Variants in CALCR observed in about 807,000 individuals in gnomAD.
The protein encoded by CALCR is calcitonin receptor.
In CALCR, 47 loss-of-function variants were observed where a neutral mutation model predicts 59.5. The ratio of observed to expected loss-of-function variants is 0.79; its 90% CI spans 0.63 to 1.01. The LOEUF (loss-of-function observed/expected upper bound fraction) is 1.01, where lower values mean the gene tolerates loss of function less well. Among genes scored for constraint, CALCR ranks in the 50% least tolerant of loss-of-function variants. The pLI is 0.00. For synonymous variants in CALCR, 213 were observed against 211.3 expected (o/e 1.01, Z -0.07); for missense variants, 566 against 597.1 (o/e 0.95, Z 0.54).
At chr7:93,524,228 G>A (rs922790336) in intron 2 of CALCR, among the ~76,000 whole-genome samples, 7 of 146,788 alleles carry the variant, frequency 4.8e-5, no homozygotes, top group Non-Finnish European at 7.4e-5. Flanking sequence ...GGAGTGCAGT[G>A]GCATGATCTC....
intron 11 of CALCR, among the ~76,000 whole-genome samples, chr7:93,436,822 A>T (rs1274327891): frequency 6.6e-6 from 1 of 152,140 alleles, no homozygotes; most frequent in Non-Finnish European, 1.5e-5. Flanking sequence ...AAGGAATCAG[A>T]ATTTACTTTT....
At chr7:93,572,749 A>G (rs977496677) in intron 2 of CALCR, among the ~76,000 whole-genome samples, 2 of 152,184 alleles carry the variant, frequency 1.3e-5, no homozygotes, top group Non-Finnish European at 2.9e-5. Context: ...GAGAAACAGA[A>G]GACGTATTTA....
chr7:93,563,209 A>T (rs1158612652), intron 2 of CALCR, among the ~76,000 whole-genome samples: 1 of 152,156 alleles, frequency 6.6e-6, no homozygotes, highest in African/African-American at 2.4e-5. Flanking sequence ...TCCAAAATAG[A>T]TCTTGGAAAG....
chr7:93,559,033 C>T (rs1194315727), intron 2 of CALCR, among the ~76,000 whole-genome samples: 1 of 151,982 alleles, frequency 6.6e-6, no homozygotes, highest in Non-Finnish European at 1.5e-5. Context: ...GTTGGGATGA[C>T]ATGGGAGGTT....
intron 2 of CALCR, among the ~76,000 whole-genome samples, chr7:93,517,182 C>T (rs972372239): frequency 5.9e-5 from 9 of 151,320 alleles, no homozygotes; most frequent in African/African-American, 1.9e-4. Context: ...TTTTACTACC[C>T]AATACCTATC....
At chr7:93,511,610 G>GAA (rs59653498) in intron 2 of CALCR, among the ~76,000 whole-genome samples, 1 of 150,054 alleles carries the variant, frequency 6.7e-6, no homozygotes, top group African/African-American at 2.4e-5. Flanking sequence ...TTTTGAATAG[G>GAA]AAAAAAAAAT....
intron 8 of CALCR, among the ~76,000 whole-genome samples, chr7:93,455,572 CT>C (rs1424232274): frequency 3.9e-5 from 6 of 151,910 alleles, no homozygotes; most frequent in Non-Finnish European, 5.9e-5. Flanking sequence ...CTTCATGTGA[CT>C]TAGTAATGTT....
chr7:93,507,689 C>A (rs1174844941), intron 2 of CALCR, among the ~76,000 whole-genome samples: 1 of 147,116 alleles, frequency 6.8e-6, no homozygotes, highest in Non-Finnish European at 1.5e-5. Context: ...GGGTGGATCA[C>A]GAGGTCAGGA....
At chr7:93,545,599 A>G (rs1370216776) in intron 2 of CALCR, among the ~76,000 whole-genome samples, 1 of 152,108 alleles carries the variant, frequency 6.6e-6, no homozygotes, top group African/African-American at 2.4e-5. Context: ...AACATGTTTT[A>G]AAAAGACCCT....
intron 3 of CALCR, among the ~76,000 whole-genome samples, chr7:93,480,563 T>C (rs574831165): frequency 6.6e-6 from 1 of 151,990 alleles, no homozygotes; most frequent in South Asian, 2.1e-4. Flanking sequence ...TGCTAGTTTC[T>C]AAACAAAACT....
intron 2 of CALCR, among the ~76,000 whole-genome samples, chr7:93,555,272 T>C (rs1485661959): frequency 2.0e-5 from 3 of 152,154 alleles, no homozygotes. Context: ...GACTTTTATC[T>C]GATCATGCTC....
At chr7:93,531,320 G>C (rs1027492736) in intron 2 of CALCR, among the ~76,000 whole-genome samples, 1 of 151,944 alleles carries the variant, frequency 6.6e-6, no homozygotes, top group Non-Finnish European at 1.5e-5. Context: ...TTATTGAGTC[G>C]GAACCTGGGC....
intron 6 of CALCR, among the ~76,000 whole-genome samples, chr7:93,470,899 A>T (rs1250219096): frequency 6.7e-6 from 1 of 150,250 alleles, no homozygotes; most frequent in Non-Finnish European, 1.5e-5. Flanking sequence ...AGCATTAGGT[A>T]TATCTCCCAA....
In CALCR at chr7:93,436,048, C is replaced by T; in HGVS notation, c.1053G>A (p.Leu351=). ...AVKATMILVP[L]LGIQFVVFPW... ...GAAAGACGACAAACTGGATTCCCAG[C>T]AGGGGCACAAGGATCATGGTGGCCT... is the stretch of plus-strand genomic sequence containing the variant. Residue 351 remains leucine (L), a synonymous_variant, in exon 12 of 14, where the codon CTG becomes CTA. Coordinates refer to ENST00000426151, the MANE Select transcript of CALCR (RefSeq NM_001742.4). 1 of 1,613,902 alleles carries T rather than the reference C, an allele frequency of 6.2e-7. No individual in the cohort carries two copies. Among genetic ancestry groups the T allele is most frequent in the Non-Finnish European group, 8.5e-7 (1 of 1,179,810 alleles).
chr7:93,492,166 G>T (rs1801094569), intron 2 of CALCR, among the ~76,000 whole-genome samples: 1 of 151,558 alleles, frequency 6.6e-6, no homozygotes, highest in South Asian at 2.1e-4. Context: ...AACACCACAT[G>T]TTCTCACTCA....
intron 2 of CALCR, among the ~76,000 whole-genome samples, chr7:93,546,554 CTT>C (rs887348081): frequency 6.6e-6 from 1 of 151,280 alleles, no homozygotes; most frequent in Non-Finnish European, 1.5e-5. Flanking sequence ...GAGTGAGTGA[CTT>C]TTTGTTTTCT....
intron 2 of CALCR, among the ~76,000 whole-genome samples, chr7:93,502,803 T>G (rs1041657113): frequency 5.3e-5 from 8 of 152,240 alleles, no homozygotes; most frequent in African/African-American, 1.9e-4. Flanking sequence ...ATTATCTAGA[T>G]AGATGTTTTT....
chr7:93,429,934 GTTT>G lies in CALCR; in HGVS notation c.1192-3348_1192-3346del, dbSNP rs60085032. The stretch of plus-strand genomic sequence containing the variant: ...AGACGGTTTTTTTTTTTGTTTGTTT[GTTT>G]TTTTGTTTTTTTTTGAGACAGAGTC... On this transcript the variant is annotated intron_variant, in intron 13 of 13. Coordinates refer to ENST00000426151, the MANE Select transcript of CALCR (RefSeq NM_001742.4). Among the ~76,000 whole-genome samples the G allele has an allele frequency of 1.5e-4, 14 of 93,218 alleles. No individual in the cohort carries two copies. In the East Asian group the frequency reaches 0.013, roughly 83 times the overall value. The allele number at this position is 93,218 out of a possible 152,430, so 61.2% of individuals were successfully genotyped here.
Position 93,471,418 on chromosome 7 carries a change from C to T in CALCR, c.429+957G>A, listed in dbSNP as rs115141217. ...AGCTTGTGCTTGTGATGAGGTGTCC[C>T]TCCTATTCAAGTGGTCCCTAAGCCA... On this transcript the variant is annotated intron_variant, in intron 6 of 13. Transcript: ENST00000426151. 4.3e-3 allele frequency among the ~76,000 whole-genome samples: 659 copies of T among 151,848 alleles called. 9 individuals carry two copies. Among genetic ancestry groups the T allele is most frequent in the African/African-American group, 0.015 (632 of 41,470 alleles).
Sources: gnomAD v4.1 joint callset for allele counts (sites outside exome capture counted in the v4.1 genomes callset) on GRCh38, gnomAD v4.1.1 for gene constraint, MANE v1.5 for transcripts, NCBI Gene and HGNC (gene_info 2026-07-23, HGNC 2026-07-21) for gene names.